CYRIB: variants seen among roughly 807,000 people sequenced by gnomAD.
The protein encoded by CYRIB is CYFIP related Rac1 interactor B.
In CYRIB, 8 loss-of-function variants were observed where a neutral mutation model predicts 44.2. That is an observed-to-expected ratio of 0.18 (90% CI 0.11 to 0.33). CYRIB has a LOEUF of 0.33. Ranked by LOEUF, CYRIB falls within the 10% of genes least tolerant of loss-of-function variation. CYRIB has a pLI of 1.00. For missense variants in CYRIB, 185 were observed against 382.8 expected, an observed-to-expected ratio of 0.48 and a Z score of 4.31; for synonymous variants, 131 against 127.2, an observed-to-expected ratio of 1.03 and a Z score of -0.20.
chr8:130,009,577 C>T (rs552891452), intron 1 of CYRIB, among the ~76,000 whole-genome samples: 1 of 152,174 alleles, frequency 6.6e-6, no homozygotes, highest in South Asian at 2.1e-4. Context: ...CCAAAAGCAT[C>T]ATGAAAAACT....
intron 1 of CYRIB, among the ~76,000 whole-genome samples, chr8:129,935,127 A>G (rs1250664273): frequency 6.6e-6 from 1 of 152,228 alleles, no homozygotes; most frequent in Non-Finnish European, 1.5e-5. Flanking sequence ...TGGTCCGAGA[A>G]CAGTATGACA....
intron 3 of CYRIB, among the ~76,000 whole-genome samples, chr8:129,878,815 T>C (rs1460364981): frequency 6.6e-6 from 1 of 152,206 alleles, no homozygotes; most frequent in Non-Finnish European, 1.5e-5. Context: ...TCCTTTCATT[T>C]AGAGTCAGAA....
At chr8:129,941,785 C>G (rs2130877430), upstream of CYRIB, among the ~76,000 whole-genome samples, 1 of 152,276 alleles carries the variant, frequency 6.6e-6, no homozygotes, top group African/African-American at 2.4e-5. Flanking sequence ...AACCCTATCT[C>G]CCACCAGAAG....
intron 1 of CYRIB, among the ~76,000 whole-genome samples, chr8:129,985,031 A>G (rs1171343348): frequency 6.6e-6 from 1 of 152,098 alleles, no homozygotes; most frequent in African/African-American, 2.4e-5. Flanking sequence ...CGGCCTCCCA[A>G]AGTGCTGGGA....
intron 2 of CYRIB, chr8:129,948,819 T>G (rs938435324): frequency 6.5e-6 from 1 of 152,676 alleles, no homozygotes; most frequent in African/African-American, 2.4e-5. Context: ...TCCCAGCACT[T>G]TGGGAGGCCA....
intron 3 of CYRIB, among the ~76,000 whole-genome samples, chr8:129,873,514 G>A (rs1327534018): frequency 6.6e-6 from 1 of 151,952 alleles, no homozygotes; most frequent in East Asian, 1.9e-4. Flanking sequence ...TGCAAAAAAC[G>A]ACAGTCTTAC....
intron 5 of CYRIB, among the ~76,000 whole-genome samples, chr8:129,857,337 G>T (rs1256304578): frequency 7.9e-5 from 12 of 152,168 alleles, no homozygotes; most frequent in Admixed American, 7.9e-4. Flanking sequence ...CTGAATAAAT[G>T]ACTCCTGGAC....
chr8:129,965,676 G>A (rs1487764293), intron 2 of CYRIB, among the ~76,000 whole-genome samples: 3 of 151,692 alleles, frequency 2.0e-5, no homozygotes, highest in Non-Finnish European at 4.4e-5. Flanking sequence ...GGTGCCTGTA[G>A]TCCCAGCTAC....
intron 2 of CYRIB, among the ~76,000 whole-genome samples, chr8:129,953,884 G>A (rs2094637270): frequency 6.6e-6 from 1 of 152,188 alleles, no homozygotes; most frequent in African/African-American, 2.4e-5. Context: ...GATTTAGACA[G>A]AATGACAGGA....
At chr8:129,877,663 G>T (rs1248002482) in intron 3 of CYRIB, among the ~76,000 whole-genome samples, 1 of 130,684 alleles carries the variant, frequency 7.7e-6, no homozygotes, top group African/African-American at 3.3e-5. Flanking sequence ...AAAAAAAAAA[G>T]GTGTGTGTGT....
intron 1 of CYRIB, among the ~76,000 whole-genome samples, chr8:129,921,565 A>C (rs1280726672): frequency 6.6e-6 from 1 of 152,036 alleles, no homozygotes; most frequent in Non-Finnish European, 1.5e-5. Context: ...ACACCACCAC[A>C]CTCAACTAAT....
intron 1 of CYRIB, among the ~76,000 whole-genome samples, chr8:129,995,897 A>G (rs1199570249): frequency 6.6e-6 from 1 of 152,212 alleles, no homozygotes; most frequent in Non-Finnish European, 1.5e-5. Flanking sequence ...GTAGATGGCA[A>G]TCTGCTTCCC....
At chr8:129,990,486 G>A in intron 1 of CYRIB, among the ~76,000 whole-genome samples, 1 of 140,596 alleles carries the variant, frequency 7.1e-6, no homozygotes, top group Non-Finnish European at 1.5e-5. Flanking sequence ...GCATGCATGT[G>A]TGTGTGTATG....
rs148495567 is a variant in CYRIB, at chr8:129,969,083, T to G, written c.-243+1860A>C. Among the ~76,000 whole-genome samples, 1,308 of 131,564 alleles carry G rather than the reference T, an allele frequency of 9.9e-3. 12 individuals carry two copies. The highest frequency in any genetic ancestry group is 0.06 in the Middle Eastern group (13 of 216). 86.3% of individuals were successfully genotyped at this position (131,564 alleles called of 152,430 possible). A position where few individuals can be genotyped will look rare whatever the true frequency, so the allele number is the denominator to read the frequency against. On this transcript the variant is annotated intron_variant, in intron 2 of 14. Transcript: ENST00000401979. ...GGCTAGAGTGCAGTGGCTTAATCTC[T>G]GCTCACTGCAACTTTCCCCTCCCAG...
chr8:130,002,911 C>CA (rs1439902128), intron 1 of CYRIB, among the ~76,000 whole-genome samples: 1 of 152,166 alleles, frequency 6.6e-6, no homozygotes, highest in Admixed American at 6.5e-5. Flanking sequence ...GTGTGGGCAA[C>CA]ACAGCAAGAC....
chr8:129,913,433 C>T (rs550776244), intron 1 of CYRIB, among the ~76,000 whole-genome samples: 15 of 152,330 alleles, frequency 9.8e-5, no homozygotes, highest in African/African-American at 3.4e-4. Flanking sequence ...AATACATACA[C>T]GTGCATTCAT....
intron 1 of CYRIB, among the ~76,000 whole-genome samples, chr8:130,000,181 T>C (rs1023093892): frequency 6.6e-6 from 1 of 151,984 alleles, no homozygotes; most frequent in African/African-American, 2.4e-5. Context: ...CTTTCCCAGG[T>C]GCTGAGGAGA....
At chr8:130,013,818 C>T (rs1198074494) in intron 1 of CYRIB, among the ~76,000 whole-genome samples, 4 of 152,118 alleles carry the variant, frequency 2.6e-5, no homozygotes, top group African/African-American at 9.7e-5. Context: ...CAGGCCAGTG[C>T]GCTGACCTTG....
At chr8:129,893,018 C>G (rs949434611) in intron 2 of CYRIB, among the ~76,000 whole-genome samples, 1 of 152,166 alleles carries the variant, frequency 6.6e-6, no homozygotes, top group South Asian at 2.1e-4. Context: ...AGTATGCACA[C>G]TCTTGTATGA....
Sources: gnomAD v4.1 joint callset for allele counts (sites outside exome capture counted in the v4.1 genomes callset) on GRCh38, gnomAD v4.1.1 for gene constraint, MANE v1.5 for transcripts, NCBI Gene and HGNC (gene_info 2026-07-23, HGNC 2026-07-21) for gene names.